SMARCC1: variants seen among roughly 807,000 people sequenced by gnomAD.
SMARCC1 encodes the protein SWI/SNF related BAF chromatin remodeling complex subunit C1, also known as SWI/SNF complex subunit SMARCC1.
SMARCC1 carries 43 observed loss-of-function variants against 147.4 expected under a neutral mutation model. That is an observed-to-expected ratio of 0.29 (90% CI 0.23 to 0.38). The LOEUF (loss-of-function observed/expected upper bound fraction) is 0.38. Ranked by LOEUF, SMARCC1 falls within the 10% of genes least tolerant of loss-of-function variation. The pLI, the probability that SMARCC1 is intolerant of heterozygous loss-of-function variation, is 1.00. For synonymous variants in SMARCC1, 495 were observed against 484.4 expected, an observed-to-expected ratio of 1.02 and a Z score of -0.29; for missense variants, 1,119 against 1,381.1, an observed-to-expected ratio of 0.81 and a Z score of 3.01.
intron 14 of SMARCC1, among the ~76,000 whole-genome samples, chr3:47,682,220 G>A (rs961645221): frequency 1.1e-4 from 17 of 150,996 alleles, no homozygotes; most frequent in African/African-American, 3.7e-4. Flanking sequence ...GCGTGAACCC[G>A]GAAGGCGGAG....
chr3:47,610,431 ACACTGACATCACCACCTCACTTCCTG>A, intron 25 of SMARCC1, 104 bp from the exon 26 acceptor site: 1 of 1,198,446 alleles, frequency 8.3e-7, no homozygotes, highest in South Asian at 1.3e-5. Context: ...CTATCCCATC[ACACTGACATCACCACCTCACTTCCTG>A]CACCTTCTAC....
At chr3:47,593,322 C>T (rs2032217087) in intron 26 of SMARCC1, among the ~76,000 whole-genome samples, 1 of 151,862 alleles carries the variant, frequency 6.6e-6, no homozygotes, top group South Asian at 2.1e-4. Context: ...CAGGTGTGCG[C>T]CACCATACCC....
intron 24 of SMARCC1, among the ~76,000 whole-genome samples, chr3:47,632,867 A>G (rs1178348725): frequency 6.6e-6 from 1 of 152,150 alleles, no homozygotes; most frequent in East Asian, 1.9e-4. Flanking sequence ...TTGAAATTGC[A>G]GCCAGAGAGA....
chr3:47,723,962 T>C (rs2034267269), intron 6 of SMARCC1, among the ~76,000 whole-genome samples: 2 of 152,186 alleles, frequency 1.3e-5, no homozygotes, highest in African/African-American at 2.4e-5. Context: ...AACAATGATA[T>C]ATCAGCTTTT....
chr3:47,625,386 C>T (rs1301358974), intron 24 of SMARCC1, among the ~76,000 whole-genome samples: 1 of 151,958 alleles, frequency 6.6e-6, no homozygotes, highest in Admixed American at 6.6e-5. Flanking sequence ...AGGCACACAC[C>T]ACCACACCCA....
intron 21 of SMARCC1, among the ~76,000 whole-genome samples, chr3:47,660,403 G>A (rs1456950663): frequency 2.2e-5 from 3 of 137,104 alleles, no homozygotes; most frequent in South Asian, 2.3e-4. Flanking sequence ...CTGAGATCGC[G>A]CCACTGCACT....
At chr3:47,701,153 A>G (rs2033912268) in intron 11 of SMARCC1, 125 bp downstream of exon 11, 1 of 692,788 alleles carries the variant, frequency 1.4e-6, no homozygotes, top group Non-Finnish European at 2.4e-6. Context: ...ATATCCATAA[A>G]AGGGACAATC....
chr3:47,598,114 T>G (rs2032320747), intron 26 of SMARCC1, among the ~76,000 whole-genome samples: 1 of 152,176 alleles, frequency 6.6e-6, no homozygotes, highest in African/African-American at 2.4e-5. Flanking sequence ...AAGCCCTTTT[T>G]TTGTTCTCTT....
At chr3:47,729,202 G>C in intron 5 of SMARCC1, 108 bp from the exon 6 acceptor site, 1 of 670,604 alleles carries the variant, frequency 1.5e-6, no homozygotes. Context: ...TTTACTTATA[G>C]ACTTTATATA....
chr3:47,631,213 C>A (rs955351564), intron 24 of SMARCC1, among the ~76,000 whole-genome samples: 3 of 152,164 alleles, frequency 2.0e-5, no homozygotes, highest in African/African-American at 7.2e-5. Flanking sequence ...AGTTATGAGA[C>A]ATTTCTAGGG....
chr3:47,663,434 G>T (rs1225042323), intron 19 of SMARCC1, among the ~76,000 whole-genome samples: 1 of 152,062 alleles, frequency 6.6e-6, no homozygotes, highest in African/African-American at 2.4e-5. Flanking sequence ...ATTTTAAATA[G>T]GAAGAAAAAA....
intron 14 of SMARCC1, among the ~76,000 whole-genome samples, chr3:47,685,556 T>C (rs1373015303): frequency 1.4e-5 from 2 of 139,418 alleles, no homozygotes; most frequent in Non-Finnish European, 3.1e-5. Context: ...TGTTTTTCTT[T>C]AAAAAAAAAA....
chr3:47,695,762 CAAAAAAAA>C (rs755840430), intron 11 of SMARCC1, among the ~76,000 whole-genome samples: 1 of 59,950 alleles, frequency 1.7e-5, no homozygotes, highest in Non-Finnish European at 3.1e-5. Flanking sequence ...GATTCTGTCT[CAAAAAAAA>C]AAAAAAAAAA....
chr3:47,772,568 G>A (rs1019539801), intron 2 of SMARCC1, among the ~76,000 whole-genome samples: 11 of 152,088 alleles, frequency 7.2e-5, no homozygotes, highest in Non-Finnish European at 1.2e-4. Flanking sequence ...ATAGGGAACT[G>A]CAACATAGTA....
rs534876547 is a variant in SMARCC1, at chr3:47,661,709, T to C, written c.2159-254A>G. 2.3e-4 allele frequency among the ~76,000 whole-genome samples: 35 copies of C among 152,252 alleles called. No individual in the cohort carries two copies. The South Asian group carries it at 6.0e-3, about 26-fold the overall frequency. On this transcript the variant is annotated intron_variant, in intron 20 of 27. Transcript: ENST00000254480. ...TTGAAATAAGAGATCTTTCAACTTATGCCAGTAATAATCAAAACTGCTGTC... is the reference window on the plus strand; with the variant it reads ...TTGAAATAAGAGATCTTTCAACTTACGCCAGTAATAATCAAAACTGCTGTC...
intron 3 of SMARCC1, among the ~76,000 whole-genome samples, chr3:47,743,473 G>C (rs2034532176): frequency 6.6e-6 from 1 of 151,806 alleles, no homozygotes; most frequent in African/African-American, 2.4e-5. Flanking sequence ...CACCCGGCCT[G>C]TATTACACGT....
chr3:47,612,112 T>C (rs1285033624), intron 25 of SMARCC1, among the ~76,000 whole-genome samples: 1 of 152,084 alleles, frequency 6.6e-6, no homozygotes, highest in East Asian at 1.9e-4. Flanking sequence ...CCTGTGTGCA[T>C]GATGAGAAGG....
At chr3:47,624,098 C>T (rs1158673008) in intron 24 of SMARCC1, among the ~76,000 whole-genome samples, 1 of 151,630 alleles carries the variant, frequency 6.6e-6, no homozygotes, top group Non-Finnish European at 1.5e-5. Context: ...GAGACCAGCC[C>T]GGCCAACACA....
Position 47,633,764 on chromosome 3 carries a change from ATATAT to A in SMARCC1, c.2646+1421_2646+1425del, listed in dbSNP as rs1211235192. ...CTCAAAAAAAAAAAAAAAAAAAAAA[ATATAT>A]ATATATATATACACACACACACACA... On this transcript the variant is annotated intron_variant, in intron 24 of 27. Transcript: ENST00000254480. 2.5e-3 allele frequency among the ~76,000 whole-genome samples: 101 copies of A among 39,740 alleles called. 8 individuals carry two copies. The highest frequency in any genetic ancestry group is 8.1e-3 in the African/African-American group (96 of 11,840). 26.1% of individuals were successfully genotyped at this position (39,740 alleles called of 152,430 possible).
Sources: gnomAD v4.1 joint callset for allele counts (sites outside exome capture counted in the v4.1 genomes callset) on GRCh38, gnomAD v4.1.1 for gene constraint, MANE v1.5 for transcripts, NCBI Gene and HGNC (gene_info 2026-07-23, HGNC 2026-07-21) for gene names.